POU6F2: variants seen among roughly 807,000 people sequenced by gnomAD.
The protein encoded by POU6F2 is POU class 6 homeobox 2.
Under a neutral mutation model 71.3 loss-of-function variants are expected in POU6F2, and 31 were observed. That is an observed-to-expected ratio of 0.43 (90% CI 0.33 to 0.59). The LOEUF (loss-of-function observed/expected upper bound fraction) is 0.59, where lower values mean the gene tolerates loss of function less well. Ranked by LOEUF, POU6F2 falls within the 20% of genes least tolerant of loss-of-function variation. The pLI, the probability that POU6F2 is intolerant of heterozygous loss-of-function variation, is 0.04. For missense variants in POU6F2, 783 were observed against 856.8 expected, an observed-to-expected ratio of 0.91 and a Z score of 1.07; for synonymous variants, 347 against 355.7, an observed-to-expected ratio of 0.98 and a Z score of 0.27.
chr7:39,369,696 T>C (rs979250083), intron 5 of POU6F2, among the ~76,000 whole-genome samples: 5 of 152,056 alleles, frequency 3.3e-5, no homozygotes, highest in African/African-American at 1.2e-4. Context: ...TAAAGTATTT[T>C]TTTCAGAGAT....
intron 5 of POU6F2, among the ~76,000 whole-genome samples, chr7:39,362,934 G>A (rs1786421266): frequency 6.6e-6 from 1 of 152,150 alleles, no homozygotes; most frequent in Non-Finnish European, 1.5e-5. Flanking sequence ...TACAAAGTGG[G>A]CAAGGGACAG....
intron 3 of POU6F2, among the ~76,000 whole-genome samples, chr7:39,204,921 T>G (rs2128745498): frequency 6.6e-6 from 1 of 152,008 alleles, no homozygotes; most frequent in South Asian, 2.1e-4. Flanking sequence ...TTTTTTTCCT[T>G]TTTACCTCTA....
At chr7:38,989,734 T>G (rs1475235557) in intron 1 of POU6F2, among the ~76,000 whole-genome samples, 1 of 150,824 alleles carries the variant, frequency 6.6e-6, no homozygotes, top group Non-Finnish European at 1.5e-5. Flanking sequence ...AGAAGTAAGA[T>G]ATATATATAT....
intron 1 of POU6F2, among the ~76,000 whole-genome samples, chr7:39,015,700 T>TATATAGATATATAACATATAGATATA (rs765518595): frequency 0.73 from 61,572 of 84,418 alleles, 23,870 homozygotes; most frequent in East Asian, 0.93. Flanking sequence ...CTATATATTA[T>TATATAGATATATAACATATAGATATA]ATATATCTAT....
chr7:39,378,538 T>A (rs981035491), intron 5 of POU6F2, among the ~76,000 whole-genome samples: 28 of 151,920 alleles, frequency 1.8e-4, no homozygotes, highest in Non-Finnish European at 1.2e-4. Flanking sequence ...GAAGACAGAG[T>A]TTAAGCAAGT....
chr7:39,252,960 C>T (rs531919630), intron 4 of POU6F2, among the ~76,000 whole-genome samples: 2 of 152,294 alleles, frequency 1.3e-5, no homozygotes, highest in South Asian at 4.1e-4. Context: ...CTCCTAGCCC[C>T]CAAAGAATGT....
intron 1 of POU6F2, among the ~76,000 whole-genome samples, chr7:39,049,494 T>C (rs1790362326): frequency 6.6e-6 from 1 of 152,072 alleles, no homozygotes; most frequent in Admixed American, 6.6e-5. Flanking sequence ...CATTGATTTC[T>C]GACTTAATTC....
intron 2 of POU6F2, among the ~76,000 whole-genome samples, chr7:39,191,317 G>C (rs11768425): frequency 0.29 from 43,408 of 152,012 alleles, 6,670 homozygotes; most frequent in East Asian, 0.71. Context: ...AATAAAATAT[G>C]ACATCTATTT....
chr7:39,283,636 T>C (rs1784603218), intron 4 of POU6F2, among the ~76,000 whole-genome samples: 1 of 152,242 alleles, frequency 6.6e-6, no homozygotes, highest in Non-Finnish European at 1.5e-5. Flanking sequence ...CCATTGTATG[T>C]ATACACAGCA....
chr7:39,068,823 T>C (rs934602811), intron 1 of POU6F2, among the ~76,000 whole-genome samples: 5 of 152,196 alleles, frequency 3.3e-5, no homozygotes, highest in Non-Finnish European at 4.4e-5. Flanking sequence ...CCTCAGAATA[T>C]ATCTTTAGGA....
chr7:39,443,104 G>A (rs1423646979), intron 7 of POU6F2, among the ~76,000 whole-genome samples: 1 of 152,178 alleles, frequency 6.6e-6, no homozygotes, highest in South Asian at 2.1e-4. Flanking sequence ...CGCAGCATCT[G>A]TCAGCCCCGG....
chr7:39,010,982 G>GA (rs1244203192), intron 1 of POU6F2, among the ~76,000 whole-genome samples: 3 of 146,810 alleles, frequency 2.0e-5, no homozygotes, highest in Non-Finnish European at 3.0e-5. Context: ...GTGTGGTGCT[G>GA]AAAAAAATGT....
At chr7:39,300,661 C>A (rs1025047839) in intron 4 of POU6F2, among the ~76,000 whole-genome samples, 1 of 152,014 alleles carries the variant, frequency 6.6e-6, no homozygotes, top group African/African-American at 2.4e-5. Flanking sequence ...AGGCCTCTCT[C>A]CTTGGCTTGC....
At chr7:39,107,388 G>A (rs117762842) in intron 2 of POU6F2, among the ~76,000 whole-genome samples, 8 of 152,030 alleles carry the variant, frequency 5.3e-5, no homozygotes, top group Admixed American at 2.0e-4. Context: ...AAAGACACCA[G>A]TATTATTTTT....
chr7:39,392,782 G>C (rs953899170), intron 5 of POU6F2, among the ~76,000 whole-genome samples: 3 of 152,216 alleles, frequency 2.0e-5, no homozygotes, highest in African/African-American at 4.8e-5. Flanking sequence ...CAGCCCAGGT[G>C]CCCAGACTTT....
intron 2 of POU6F2, among the ~76,000 whole-genome samples, chr7:39,138,109 G>C (rs1792422044): frequency 6.6e-6 from 1 of 152,124 alleles, no homozygotes. Context: ...TAGAAGAAAA[G>C]CATTCAGACA....
intron 1 of POU6F2, among the ~76,000 whole-genome samples, chr7:39,069,745 G>T (rs1790836781): frequency 2.0e-5 from 3 of 152,130 alleles, no homozygotes; most frequent in African/African-American, 2.4e-5. Flanking sequence ...TTAAGGAAAA[G>T]AAAATATATT....
At chr7:39,010,532 G>A (rs1291082849) in intron 1 of POU6F2, among the ~76,000 whole-genome samples, 5 of 149,948 alleles carry the variant, frequency 3.3e-5, no homozygotes, top group African/African-American at 1.2e-4. Context: ...CTTCAGTTGT[G>A]CTCTGATTTT....
intron 5 of POU6F2, among the ~76,000 whole-genome samples, chr7:39,345,065 A>T (rs1026825941): frequency 6.6e-6 from 1 of 152,196 alleles, no homozygotes; most frequent in African/African-American, 2.4e-5. Context: ...AAAGTCTATG[A>T]ACAACAAAAT....
Sources: allele counts gnomAD v4.1 joint callset (sites outside exome capture counted in the v4.1 genomes callset), GRCh38; gene constraint gnomAD v4.1.1; transcripts MANE v1.5; gene names NCBI Gene and HGNC (gene_info 2026-07-23, HGNC 2026-07-21).